Variants in SLC9B2 observed in about 807,000 individuals in gnomAD.
The protein encoded by SLC9B2 is sodium/hydrogen exchanger 9B2.
In SLC9B2, 39 loss-of-function variants were observed where a neutral mutation model predicts 52.2. The ratio of observed to expected loss-of-function variants is 0.75; its 90% CI spans 0.58 to 0.98. SLC9B2 has a LOEUF of 0.98. Ranked by LOEUF, SLC9B2 falls within the 50% of genes least tolerant of loss-of-function variation. The pLI is 0.00. For missense variants in SLC9B2, 626 were observed against 637.5 expected (o/e 0.98, Z 0.19); for synonymous variants, 214 against 227.0 (o/e 0.94, Z 0.51).
chr4:103,038,175 G>T (rs897219080), intron 9 of SLC9B2, among the ~76,000 whole-genome samples: 1 of 152,088 alleles, frequency 6.6e-6, no homozygotes. Context: ...TAAGACTTTA[G>T]TTGATACTCA....
At chr4:103,049,428 C>T (rs979512450) in intron 5 of SLC9B2, among the ~76,000 whole-genome samples, 1 of 151,988 alleles carries the variant, frequency 6.6e-6, no homozygotes, top group African/African-American at 2.4e-5. Flanking sequence ...CAGAATGAGA[C>T]TAAAGTGAAG....
intron 5 of SLC9B2, 148 bp from the exon 6 acceptor site, chr4:103,049,168 A>G: frequency 1.1e-6 from 1 of 892,332 alleles, no homozygotes; most frequent in South Asian, 2.2e-5. Flanking sequence ...ACATTTTAGC[A>G]CTCCAAGTGT....
chr4:103,057,967 G>A lies in SLC9B2; in HGVS notation c.276C>T (p.Thr92=). 1.2e-6 allele frequency: 2 copies of A among 1,604,032 alleles called. No individual in the cohort carries two copies. Among genetic ancestry groups the A allele is most frequent in the East Asian group, 2.2e-5 (1 of 44,534 alleles). The change falls in exon 4 of 12, where the codon ACC becomes ACT. Residue 92 remains threonine (T), a synonymous_variant. Transcript: ENST00000394785. ...GLLDRVITNV[T]IIVLLWAVVW... is the part of the protein sequence containing the mutation. ...CTACAGCCCACAGAAGAACAATGAT[G>A]GTAACTGAAATAAACCAGGAATACT...
chr4:103,051,546 T>C (rs754212769), intron 4 of SLC9B2, among the ~76,000 whole-genome samples: 1 of 152,238 alleles, frequency 6.6e-6, no homozygotes, highest in African/African-American at 2.4e-5. Flanking sequence ...GGAATGTTTA[T>C]TGGGCAACAA....
chr4:103,026,471 C>T lies in SLC9B2; in HGVS notation c.1513G>A (p.Gly505Arg), dbSNP rs1161516069. The change falls in exon 12 of 12, where the codon GGA becomes AGA. Residue 505 changes from glycine (G) to arginine (R), a missense_variant. By Grantham distance (125) the Gly-to-Arg change is moderately radical. Coordinates refer to ENST00000394785, the MANE Select transcript of SLC9B2 (RefSeq NM_178833.7). ...CCCAGTAAACCAATAAGCAGACTTC[C>T]AATTGGGGCTGTGATGAGGATGGAC... ...FLSILITAPI[G>R]SLLIGLLGPR... 3 of 1,613,844 alleles carry T rather than the reference C, an allele frequency of 1.9e-6. No homozygotes were observed. The highest frequency in any genetic ancestry group is 2.5e-6 in the Non-Finnish European group (3 of 1,179,884).
At chr4:103,046,045 T>G (rs1744093510) in intron 7 of SLC9B2, among the ~76,000 whole-genome samples, 3 of 152,190 alleles carry the variant, frequency 2.0e-5, no homozygotes, top group African/African-American at 7.2e-5. Flanking sequence ...AACAATGTTT[T>G]AAGAAAATCA....
chr4:103,043,552 C>A, intron 8 of SLC9B2, 107 bp from the exon 9 acceptor site: 1 of 1,063,654 alleles, frequency 9.4e-7, no homozygotes, highest in Admixed American at 2.9e-5. Context: ...ATTAAAATGT[C>A]TATATAAATA....
chr4:103,058,841 T>C (rs926992697), intron 3 of SLC9B2, among the ~76,000 whole-genome samples: 2 of 152,086 alleles, frequency 1.3e-5, no homozygotes, highest in African/African-American at 4.8e-5. Context: ...GCAGGAGGAT[T>C]GCTTGAGCTC....
chr4:103,069,714 T>C (rs1746452094), intron 1 of SLC9B2, among the ~76,000 whole-genome samples: 1 of 152,246 alleles, frequency 6.6e-6, no homozygotes, highest in African/African-American at 2.4e-5. Context: ...GGATGTAACA[T>C]TCATTTCTTC....
At chr4:103,030,841 A>C (rs1322237981) in intron 10 of SLC9B2, among the ~76,000 whole-genome samples, 1 of 152,024 alleles carries the variant, frequency 6.6e-6, no homozygotes, top group African/African-American at 2.4e-5. Context: ...ATTAAACAAC[A>C]ATTTCCCTTT....
At chr4:103,072,054 A>ATTTTTTTTTTTTTT (rs1375668319) in intron 1 of SLC9B2, among the ~76,000 whole-genome samples, 15 of 62,454 alleles carry the variant, frequency 2.4e-4, no homozygotes, top group African/African-American at 1.2e-3. Context: ...TTTGGCTTTC[A>ATTTTTTTTTTTTTT]TGTTTTTTTT....
chr4:103,033,409 T>C (rs1268979587), intron 9 of SLC9B2, among the ~76,000 whole-genome samples: 1 of 151,962 alleles, frequency 6.6e-6, no homozygotes, highest in Non-Finnish European at 1.5e-5. Context: ...TTAACCGGAG[T>C]ACTGGAAGTC....
chr4:103,049,574 T>C (rs1744476350), intron 5 of SLC9B2, among the ~76,000 whole-genome samples: 2 of 152,184 alleles, frequency 1.3e-5, no homozygotes, highest in African/African-American at 4.8e-5. Context: ...TGAACACTTG[T>C]ATAGGGCTTT....
In SLC9B2 at chr4:103,051,062, T is replaced by C. The variant is rs531475381; in HGVS notation, c.443-680A>G. Among the ~76,000 whole-genome samples, 157 of 152,060 alleles carry C rather than the reference T, an allele frequency of 1.0e-3. 1 individual carries two copies. The highest frequency in any genetic ancestry group is 3.6e-3 in the African/African-American group (149 of 41,474). On this transcript the variant is annotated intron_variant, in intron 4 of 11. Transcript: ENST00000394785. ...TTTTATGAAGGCATGAGGGGGATGTTACATGAGCTGAGGCAGGAAGGGGGA... is the reference window on the plus strand; with the variant it reads ...TTTTATGAAGGCATGAGGGGGATGTCACATGAGCTGAGGCAGGAAGGGGGA...
intron 3 of SLC9B2, chr4:103,065,398 A>G (rs1160208018): frequency 6.6e-6 from 1 of 152,180 alleles, no homozygotes; most frequent in African/African-American, 2.4e-5. Flanking sequence ...AATGACAGCT[A>G]TGTGAGGTAA....
rs1742178687 is a variant in SLC9B2, at chr4:103,026,149, G to A, written c.*221C>T. On this transcript the variant is annotated 3_prime_UTR_variant, in exon 12 of 12. Transcript: ENST00000394785. ...TGTCCTTATGCAAATTAAGATGGAT[G>A]ATGAAGGGGTGTTTGAAAAAAAAGG... 1 of 452,258 alleles carries A rather than the reference G, an allele frequency of 2.2e-6. No individual in the cohort carries two copies. The highest frequency in any genetic ancestry group is 5.8e-4 in the Middle Eastern group (1 of 1,730). The allele number at this position is 452,258 out of a possible 1,614,324, so 28.0% of individuals were successfully genotyped here.
At chr4:103,052,307 G>A (rs1744758374) in intron 4 of SLC9B2, among the ~76,000 whole-genome samples, 1 of 152,192 alleles carries the variant, frequency 6.6e-6, no homozygotes, top group Admixed American at 6.5e-5. Context: ...CTGCTGATCT[G>A]ACAAGAGGCA....
intron 9 of SLC9B2, among the ~76,000 whole-genome samples, chr4:103,036,476 T>C (rs1743185220): frequency 6.6e-6 from 1 of 151,626 alleles, no homozygotes; most frequent in Admixed American, 6.6e-5. Context: ...CATTTATCCA[T>C]GTAACAAACC....
At chr4:103,050,187 A>C (rs1744540173) in intron 5 of SLC9B2, 53 bp downstream of exon 5, 4 of 1,471,870 alleles carry the variant, frequency 2.7e-6, no homozygotes, top group Non-Finnish European at 3.6e-6. Context: ...AGATACCTGA[A>C]GCATTGAAGA....
Sources: gnomAD v4.1 joint callset for allele counts (sites outside exome capture counted in the v4.1 genomes callset) on GRCh38, gnomAD v4.1.1 for gene constraint, MANE v1.5 for transcripts, NCBI Gene and HGNC (gene_info 2026-07-23, HGNC 2026-07-21) for gene names.